RUNX1: variants seen among roughly 807,000 people sequenced by gnomAD.
RUNX1 encodes runt-related transcription factor 1.
A neutral mutation model predicts 42.8 loss-of-function variants in RUNX1; 19 were observed. The ratio of observed to expected loss-of-function variants is 0.44; its 90% CI spans 0.31 to 0.65. The LOEUF (loss-of-function observed/expected upper bound fraction) is 0.65, where lower values mean the gene tolerates loss of function less well. RUNX1 is among the 30% of genes least tolerant of loss of function. The probability of loss-of-function intolerance (pLI) is 0.07; values close to 1 mark genes in which losing one functional copy is unlikely to be tolerated. For synonymous variants in RUNX1, 271 were observed against 289.4 expected, an observed-to-expected ratio of 0.94 and a Z score of 0.64; for missense variants, 528 against 672.0, an observed-to-expected ratio of 0.79 and a Z score of 2.37.
chr21:34,817,874 G>A (rs1394626207), intron 7 of RUNX1, among the ~76,000 whole-genome samples: 2 of 152,172 alleles, frequency 1.3e-5, no homozygotes, highest in Non-Finnish European at 2.9e-5. Context: ...ACTCCTGCCC[G>A]GGGCCGCCTC....
Position 34,799,411 on chromosome 21 carries a change from T to C in RUNX1, c.857A>G (p.Gln286Arg). ...SPPWSYDQSYQYLGSIASPSV... is the reference protein window; with the variant it reads ...SPPWSYDQSYRYLGSIASPSV... Reference sequence around the variant, plus strand: ...AGGAGAGGCAATGGATCCCAGGTATTGGTAGGACTGATCGTAGGACCACGG... The same window carrying C: ...AGGAGAGGCAATGGATCCCAGGTATCGGTAGGACTGATCGTAGGACCACGG... The change falls in exon 8 of 9, where the codon CAA becomes CGA. Residue 286 changes from glutamine to arginine, a missense_variant. By Grantham distance (43) the Gln-to-Arg change is conservative. This residue lies in a region of RUNX1 where 331 missense variants were observed against 382.5 expected (regional missense o/e 0.87). Transcript: ENST00000675419. 6.2e-7 allele frequency: 1 copy of C among 1,614,156 alleles called. No individual in the cohort carries two copies. The highest frequency in any genetic ancestry group is 8.5e-7 in the Non-Finnish European group (1 of 1,180,004).
At chr21:34,814,167 C>T (rs2056794126) in intron 7 of RUNX1, among the ~76,000 whole-genome samples, 1 of 152,196 alleles carries the variant, frequency 6.6e-6, no homozygotes, top group Non-Finnish European at 1.5e-5. Context: ...GTCCTAACTT[C>T]ATTTATGTCT....
chr21:34,804,192 C>T lies in RUNX1; in HGVS notation c.806-4730G>A, dbSNP rs143843556. ...GGTGATTTTGACAGATTGCTAGAGG[C>T]TCAGTACAGACTAGTGTGCGAATAA... is the stretch of plus-strand genomic sequence containing the variant. On this transcript the variant is annotated intron_variant, in intron 7 of 8. Coordinates refer to ENST00000675419, the MANE Select transcript of RUNX1 (RefSeq NM_001754.5). Among the ~76,000 whole-genome samples the T allele has an allele frequency of 2.6e-5, 4 of 152,262 alleles. No homozygotes were observed. The East Asian group carries it at 7.7e-4, about 29-fold the overall frequency.
chr21:34,928,046 G>A (rs925764010), intron 2 of RUNX1, among the ~76,000 whole-genome samples: 6 of 152,056 alleles, frequency 3.9e-5, no homozygotes, highest in Non-Finnish European at 5.9e-5. Flanking sequence ...TTCAATAAGC[G>A]GCCAGAATTA....
chr21:34,915,001 C>T (rs2058301023), intron 2 of RUNX1, among the ~76,000 whole-genome samples: 1 of 152,178 alleles, frequency 6.6e-6, no homozygotes, highest in Admixed American at 6.5e-5. Flanking sequence ...TTACCTTGGC[C>T]TGGTCATTCG....
At chr21:34,861,291 T>TATGTG (rs2057571341) in intron 5 of RUNX1, among the ~76,000 whole-genome samples, 1 of 152,034 alleles carries the variant, frequency 6.6e-6, no homozygotes, top group African/African-American at 2.4e-5. Flanking sequence ...GCAAGCAGGG[T>TATGTG]ATGTGATGTG....
chr21:34,944,471 T>C (rs1201404890), intron 2 of RUNX1, among the ~76,000 whole-genome samples: 2 of 152,212 alleles, frequency 1.3e-5, no homozygotes, highest in African/African-American at 2.4e-5. Flanking sequence ...AAGTTTTGAT[T>C]GGTTAATATT....
intron 2 of RUNX1, 143 bp from the exon 3 acceptor site, chr21:34,893,106 G>A (rs1024308609): frequency 1.5e-6 from 1 of 652,706 alleles, no homozygotes; most frequent in Non-Finnish European, 2.8e-6. Flanking sequence ...AAAATGACTT[G>A]AAATAGTAAA....
At chr21:35,023,266 A>G (rs936820344) in intron 2 of RUNX1, among the ~76,000 whole-genome samples, 1 of 152,190 alleles carries the variant, frequency 6.6e-6, no homozygotes, top group Non-Finnish European at 1.5e-5. Flanking sequence ...TTAAGTTTGC[A>G]TAATTTAATT....
At chr21:34,935,101 T>C (rs887127565) in intron 2 of RUNX1, among the ~76,000 whole-genome samples, 2 of 152,180 alleles carry the variant, frequency 1.3e-5, no homozygotes, top group Non-Finnish European at 2.9e-5. Flanking sequence ...GTGAAATTAA[T>C]AAAGAGGCTT....
intron 6 of RUNX1, among the ~76,000 whole-genome samples, chr21:34,838,615 A>G (rs2057184419): frequency 6.6e-6 from 1 of 152,202 alleles, no homozygotes; most frequent in African/African-American, 2.4e-5. Context: ...TACTCACTAC[A>G]TGAATCTGGA....
chr21:34,876,171 G>C (rs548828322), intron 5 of RUNX1, among the ~76,000 whole-genome samples: 1 of 152,276 alleles, frequency 6.6e-6, no homozygotes, highest in East Asian at 1.9e-4. Context: ...CGAGGGAAGC[G>C]ACTGTCCTTT....
chr21:34,946,145 A>G (rs2058561879), intron 2 of RUNX1, among the ~76,000 whole-genome samples: 1 of 152,074 alleles, frequency 6.6e-6, no homozygotes, highest in Non-Finnish European at 1.5e-5. Context: ...TCCCTCTCTG[A>G]ACTGCTCTCC....
intron 2 of RUNX1, among the ~76,000 whole-genome samples, chr21:35,034,557 C>T (rs1043243389): frequency 5.3e-5 from 8 of 152,188 alleles, no homozygotes; most frequent in African/African-American, 1.9e-4. Flanking sequence ...AGATTTTACC[C>T]CTCAGGGGTC....
intron 2 of RUNX1, among the ~76,000 whole-genome samples, chr21:34,922,952 C>A (rs193038630): frequency 1.6e-4 from 24 of 152,300 alleles, no homozygotes; most frequent in Admixed American, 1.4e-3. Context: ...TCACAACAAT[C>A]CTTAGAGGTA....
At chr21:34,839,085 G>A (rs1430092119) in intron 6 of RUNX1, among the ~76,000 whole-genome samples, 1 of 152,076 alleles carries the variant, frequency 6.6e-6, no homozygotes, top group Non-Finnish European at 1.5e-5. Flanking sequence ...CACAAGGTTG[G>A]AGTACTTCAG....
chr21:34,877,167 C>A (rs923398905), intron 5 of RUNX1, among the ~76,000 whole-genome samples: 1 of 152,136 alleles, frequency 6.6e-6, no homozygotes, highest in South Asian at 2.1e-4. Flanking sequence ...ATACCAATTG[C>A]TAAAATTTCT....
intron 2 of RUNX1, among the ~76,000 whole-genome samples, chr21:35,019,087 C>T (rs2059179899): frequency 6.6e-6 from 1 of 152,240 alleles, no homozygotes; most frequent in Non-Finnish European, 1.5e-5. Flanking sequence ...GTCTTACCAT[C>T]TGGCTTAGAT....
intron 2 of RUNX1, among the ~76,000 whole-genome samples, chr21:34,924,729 A>T (rs889405905): frequency 1.3e-5 from 2 of 152,182 alleles, no homozygotes; most frequent in African/African-American, 4.8e-5. Context: ...CCCTGTCTCA[A>T]TCAGCTTGGG....
Sources: allele counts gnomAD v4.1 joint callset (sites outside exome capture counted in the v4.1 genomes callset), GRCh38; gene constraint gnomAD v4.1.1; regional missense constraint gnomAD v4.1.1; transcripts MANE v1.5; gene names NCBI Gene and HGNC (gene_info 2026-07-23, HGNC 2026-07-21).